Variants in NLRP8 observed in about 807,000 individuals in gnomAD.
NLRP8 encodes NLR family pyrin domain containing 8.
In NLRP8, 86 loss-of-function variants were observed where a neutral mutation model predicts 88.7. That is an observed-to-expected ratio of 0.97 (90% CI 0.81 to 1.16). The LOEUF (loss-of-function observed/expected upper bound fraction) is 1.16. Ranked by LOEUF, NLRP8 falls within the 50% of genes most tolerant of loss-of-function variation. The pLI, the probability that NLRP8 is intolerant of heterozygous loss-of-function variation, is 0.00. For synonymous variants in NLRP8, 504 were observed against 494.6 expected (o/e 1.02, Z -0.25); for missense variants, 1,342 against 1,286.5 (o/e 1.04, Z -0.66).
At position 55,955,017 on chromosome 19, in the gene NLRP8, T is replaced by C; in HGVS notation, c.959T>C (p.Leu320Pro). ...GGGTCTGTCCTACTGAGCAGTTTGC[T>C]GAGCAAAACGATGCTTCCAGAGGCC... is the stretch of plus-strand genomic sequence containing the variant. Residue 320 changes from leucine (L) to proline (P), a missense_variant, in exon 3 of 10, where the codon CTG becomes CCG. Physicochemically the swap from Leu to Pro is moderately conservative, Grantham distance 98 (BLOSUM62 -3). Coordinates refer to ENST00000291971, the MANE Select transcript of NLRP8 (RefSeq NM_176811.2). 1 of 1,614,208 alleles carries C rather than the reference T, an allele frequency of 6.2e-7. No homozygotes were observed. Among genetic ancestry groups the C allele is most frequent in the Non-Finnish European group, 8.5e-7 (1 of 1,180,034 alleles).
In NLRP8 at chr19:55,973,643, C is replaced by T; in HGVS notation, c.2535-9C>T. On this transcript the variant is annotated splice_polypyrimidine_tract_variant and intron_variant, in intron 6 of 9. Transcript: ENST00000291971. ...TCCATTCAGTCATCTGTGTGCTTCT[C>T]TCCCATAGGATAGAGAACTGCAACC... The T allele has an allele frequency of 6.3e-7, 1 of 1,590,932 alleles. No homozygotes were observed. Among genetic ancestry groups the T allele is most frequent in the Non-Finnish European group, 8.6e-7 (1 of 1,164,446 alleles).
At chr19:55,979,909 A>T (rs1166112765) in intron 9 of NLRP8, among the ~76,000 whole-genome samples, 2 of 152,120 alleles carry the variant, frequency 1.3e-5, no homozygotes, top group Admixed American at 6.5e-5. Flanking sequence ...ACAGAGTGAG[A>T]CCCTGTCTCT....
At chr19:55,953,561 ATC>A (rs1163318590) in intron 2 of NLRP8, among the ~76,000 whole-genome samples, 1 of 151,594 alleles carries the variant, frequency 6.6e-6, no homozygotes, top group Non-Finnish European at 1.5e-5. Context: ...CAGTGGCGTG[ATC>A]TCTCAGCTCA....
Position 55,979,423 on chromosome 19 carries a change from G to T in NLRP8, c.2906G>T (p.Cys969Phe), listed in dbSNP as rs1980479872. ...GAAAACTGCCTGTTCACCTCCATCT[G>T]CTGCCAGGCCATGGCTTCCATGCTC... The change falls in exon 9 of 10, where the codon TGC (cysteine) becomes TTC (phenylalanine). Residue 969 changes from cysteine (C) to phenylalanine (F), a missense_variant. Coordinates refer to ENST00000291971, the MANE Select transcript of NLRP8 (RefSeq NM_176811.2). 3 of 1,614,034 alleles carry T rather than the reference G, an allele frequency of 1.9e-6. No homozygotes were observed. Among genetic ancestry groups the T allele is most frequent in the African/African-American group, 2.7e-5 (2 of 75,068 alleles).
intron 8 of NLRP8, among the ~76,000 whole-genome samples, chr19:55,976,907 T>C (rs981541846): frequency 2.0e-5 from 3 of 150,178 alleles, no homozygotes; most frequent in African/African-American, 7.3e-5. Context: ...GGTGAAACCA[T>C]GTCTGTACTA....
chr19:55,965,675 C>G (rs1455108472), intron 4 of NLRP8, among the ~76,000 whole-genome samples: 4 of 151,562 alleles, frequency 2.6e-5, no homozygotes, highest in Non-Finnish European at 5.9e-5. Context: ...TTTTATTATA[C>G]TTTAAGTTCT....
chr19:55,948,267 A>C lies in NLRP8; in HGVS notation c.365A>C (p.Asn122Thr), dbSNP rs1452489170. 6.2e-6 allele frequency: 10 copies of C among 1,610,538 alleles called. No homozygotes were observed. Among genetic ancestry groups the C allele is most frequent in the Non-Finnish European group, 8.5e-6 (10 of 1,177,432 alleles). Residue 122 changes from asparagine (N) to threonine (T), a missense_variant and splice_region_variant, in exon 1 of 10, where the codon AAT (asparagine) becomes ACT (threonine). Transcript: ENST00000291971. Reference sequence around the variant, plus strand: ...TGTGTTGTAGTCCGCAGAGAGATAAATGGTGAGTGTTGATCTGGTGGATAA... The same window carrying C: ...TGTGTTGTAGTCCGCAGAGAGATAACTGGTGAGTGTTGATCTGGTGGATAA...
intron 5 of NLRP8, among the ~76,000 whole-genome samples, chr19:55,968,602 T>C (rs1979944102): frequency 6.6e-6 from 1 of 151,716 alleles, no homozygotes; most frequent in Non-Finnish European, 1.5e-5. Context: ...TAGCCAGTTG[T>C]GGTGGCTCAC....
chr19:55,966,423 G>A (rs139797058), intron 5 of NLRP8, 43 bp downstream of exon 5: 36 of 1,590,048 alleles, frequency 2.3e-5, no homozygotes, highest in Middle Eastern at 3.7e-4. Context: ...CGGGGTACCC[G>A]GATGGTCTTT....
chr19:55,957,698 T>A (rs1220103734), intron 3 of NLRP8, among the ~76,000 whole-genome samples: 3 of 26,518 alleles, frequency 1.1e-4, no homozygotes, highest in African/African-American at 2.4e-4. Flanking sequence ...TATATATATA[T>A]ATATATATAT....
In NLRP8 at chr19:55,987,939, CTTGA is replaced by C. The variant is rs746277916; in HGVS notation, c.*32_*35del. 3.9e-6 allele frequency: 6 copies of C among 1,535,806 alleles called. No individual in the cohort carries two copies. The South Asian group carries it at 4.5e-5, about 11-fold the overall frequency. ...GCCGTCCAGTCATCTTTCTCTGGGG[CTTGA>C]TTGATCAGTTCCCACTCTGACAACT... On this transcript the variant is annotated 3_prime_UTR_variant, in exon 10 of 10. Transcript: ENST00000291971.
intron 9 of NLRP8, among the ~76,000 whole-genome samples, chr19:55,983,852 T>C (rs1980683990): frequency 6.8e-6 from 1 of 146,084 alleles, no homozygotes. Flanking sequence ...AAGATAAAAT[T>C]CAACATCAAT....
chr19:55,985,126 A>AC (rs1438249595), intron 9 of NLRP8, among the ~76,000 whole-genome samples: 1 of 151,990 alleles, frequency 6.6e-6, no homozygotes, highest in Non-Finnish European at 1.5e-5. Flanking sequence ...ATATGGTGAA[A>AC]CCCCGTCTCT....
At chr19:55,978,650 C>A (rs552576957) in intron 8 of NLRP8, among the ~76,000 whole-genome samples, 1 of 152,058 alleles carries the variant, frequency 6.6e-6, no homozygotes, top group Non-Finnish European at 1.5e-5. Context: ...TCTTATGGGC[C>A]GGCATCGTAT....
chr19:55,985,626 C>G (rs1980772388), intron 9 of NLRP8, among the ~76,000 whole-genome samples: 1 of 152,124 alleles, frequency 6.6e-6, no homozygotes, highest in Non-Finnish European at 1.5e-5. Context: ...AGGAAAGACA[C>G]TACACTTTCT....
At chr19:55,966,516 A>C (rs568319032) in intron 5 of NLRP8, 136 bp downstream of exon 5, 2 of 868,838 alleles carry the variant, frequency 2.3e-6, no homozygotes, top group Non-Finnish European at 3.4e-6. Context: ...TAAAAGTACA[A>C]TTTGGGCCGG....
Position 55,988,436 on chromosome 19 carries a change from G to GTATATATA in NLRP8, c.*524_*525insATATATAT, listed in dbSNP as rs1980964017. The stretch of plus-strand genomic sequence containing the variant: ...TACATATACACATAAATATATATAT[G>GTATATATA]TGTGTGTGTATATATATATATATAT... On this transcript the variant is annotated 3_prime_UTR_variant, in exon 10 of 10. Coordinates refer to ENST00000291971, the MANE Select transcript of NLRP8 (RefSeq NM_176811.2). The GTATATATA allele has an allele frequency of 1.1e-5, 1 of 93,438 alleles. No individual in the cohort carries two copies. The highest frequency in any genetic ancestry group is 4.2e-5 in the African/African-American group (1 of 24,000). 5.8% of individuals were successfully genotyped at this position (93,438 alleles called of 1,614,324 possible). A position where few individuals can be genotyped will look rare whatever the true frequency, so the allele number is the denominator to read the frequency against.
chr19:55,970,797 T>G, intron 6 of NLRP8, 101 bp downstream of exon 6: 1 of 1,449,844 alleles, frequency 6.9e-7, no homozygotes, highest in Non-Finnish European at 9.4e-7. Flanking sequence ...GGAAGGTACA[T>G]GTATAGGAGC....
At position 55,954,861 on chromosome 19, in the gene NLRP8, A is replaced by G. The variant is rs7259764; in HGVS notation, c.803A>G (p.Gln268Arg). 97,834 of 1,614,130 alleles carry G rather than the reference A, an allele frequency of 0.061. 3,411 individuals are homozygous for G. Among genetic ancestry groups the G allele is most frequent in the African/African-American group, 0.12 (9,106 of 75,014 alleles). Residue 268 changes from glutamine (Q) to arginine (R), a missense_variant, in exon 3 of 10, where the codon CAG becomes CGG. Transcript: ENST00000291971. ...ATTGAGCAAAAGTGGCCTGGATCTC[A>G]GGACCTCGTGTCAAAGATTATGTCC...
Sources: allele counts gnomAD v4.1 joint callset (sites outside exome capture counted in the v4.1 genomes callset), GRCh38; gene constraint gnomAD v4.1.1; transcripts MANE v1.5; gene names NCBI Gene and HGNC (gene_info 2026-07-23, HGNC 2026-07-21).